The following RGS6 variants were observed in gnomAD, a reference collection of about 807,000 sequenced individuals.
The protein encoded by RGS6 is regulator of G protein signaling 6.
RGS6 carries 30 observed loss-of-function variants against 78.5 expected under a neutral mutation model. The observed-to-expected ratio is 0.38, with a 90% CI of 0.29 to 0.52. The LOEUF is 0.52. Among genes scored for constraint, RGS6 ranks in the 20% least tolerant of loss-of-function variants. RGS6 has a pLI of 0.85. For missense variants in RGS6, 495 were observed against 609.7 expected, an observed-to-expected ratio of 0.81 and a Z score of 1.98; for synonymous variants, 206 against 206.0, an observed-to-expected ratio of 1.00 and a Z score of 0.00.
At chr14:71,914,045 A>C in the RGS6 span, among the ~76,000 whole-genome samples, 1 of 152,184 alleles carries the variant, frequency 6.6e-6, no homozygotes. Context: ...GAAGTTTATT[A>C]CGTGATCACA....
intron 2 of RGS6, among the ~76,000 whole-genome samples, chr14:72,138,475 A>ATTTTT (rs2096485942): frequency 2.4e-5 from 1 of 41,518 alleles, no homozygotes. Flanking sequence ...TTTTTTTTTT[A>ATTTTT]CTTTCTTGGA....
At chr14:72,540,799 G>A (rs1314208336) in intron 17 of RGS6, 1 of 985,320 alleles carries the variant, frequency 1.0e-6, no homozygotes, top group East Asian at 1.1e-4. Context: ...GATTCTAACA[G>A]GCTGGGTAAA....
chr14:72,179,528 T>C (rs1444213973), intron 2 of RGS6, among the ~76,000 whole-genome samples: 1 of 152,148 alleles, frequency 6.6e-6, no homozygotes, highest in Non-Finnish European at 1.5e-5. Context: ...AGGGGAGCCT[T>C]CTGTGTGTCC....
intron 2 of RGS6, among the ~76,000 whole-genome samples, chr14:72,053,451 G>A (rs1469123222): frequency 1.3e-5 from 2 of 152,014 alleles, no homozygotes; most frequent in Non-Finnish European, 2.9e-5. Flanking sequence ...TTGTTCAGGG[G>A]TCTCTTGCAT....
At chr14:72,053,794 A>G (rs1244673635) in intron 2 of RGS6, among the ~76,000 whole-genome samples, 4 of 152,238 alleles carry the variant, frequency 2.6e-5, no homozygotes, top group South Asian at 4.1e-4. Flanking sequence ...ATTGATCTCA[A>G]AAAGACTGGC....
intron 2 of RGS6, among the ~76,000 whole-genome samples, chr14:72,113,290 T>G (rs188909696): frequency 1.6e-4 from 24 of 152,316 alleles, no homozygotes; most frequent in Non-Finnish European, 4.4e-5. Context: ...ATCAGTCCCT[T>G]TTTCCTCATG....
At chr14:72,489,443 T>C (rs1156276610) in intron 12 of RGS6, among the ~76,000 whole-genome samples, 5 of 152,202 alleles carry the variant, frequency 3.3e-5, no homozygotes, top group African/African-American at 1.2e-4. Flanking sequence ...CCCCAAAAGA[T>C]AGGTCCTAGG....
the RGS6 span, among the ~76,000 whole-genome samples, chr14:71,913,037 C>T: frequency 6.6e-6 from 1 of 151,984 alleles, no homozygotes; most frequent in Non-Finnish European, 1.5e-5. Flanking sequence ...CTGTGTTAGC[C>T]AGGATGGTTT....
the RGS6 span, among the ~76,000 whole-genome samples, chr14:72,582,282 C>T: frequency 1.3e-5 from 2 of 152,188 alleles, no homozygotes; most frequent in East Asian, 3.8e-4. Flanking sequence ...TGAGCTATTA[C>T]AGTGTATTAA....
intron 2 of RGS6, among the ~76,000 whole-genome samples, chr14:72,049,805 G>A (rs1183960094): frequency 6.6e-6 from 1 of 152,168 alleles, no homozygotes; most frequent in African/African-American, 2.4e-5. Flanking sequence ...AGACTGGAAA[G>A]CACTTGTAAT....
At chr14:71,894,891 C>A in the RGS6 span, among the ~76,000 whole-genome samples, 4 of 151,430 alleles carry the variant, frequency 2.6e-5, no homozygotes, top group African/African-American at 9.7e-5. Flanking sequence ...ATGGTGTGAT[C>A]TCAGCTGGGA....
intron 2 of RGS6, among the ~76,000 whole-genome samples, chr14:72,182,147 C>T (rs1481151177): frequency 2.0e-5 from 3 of 152,064 alleles, no homozygotes; most frequent in East Asian, 3.9e-4. Flanking sequence ...CAGTGGCTCA[C>T]GCCTGTAATC....
At chr14:72,557,390 TTTTGC>T (rs1475243702) in intron 17 of RGS6, among the ~76,000 whole-genome samples, 3 of 152,182 alleles carry the variant, frequency 2.0e-5, no homozygotes, top group Admixed American at 6.5e-5. Context: ...AAATCATTTC[TTTTGC>T]TTTGCTCAGT....
chr14:72,126,797 G>A (rs183201677), intron 2 of RGS6, among the ~76,000 whole-genome samples: 7 of 152,286 alleles, frequency 4.6e-5, no homozygotes, highest in Admixed American at 2.6e-4. Flanking sequence ...GAGTCAATAA[G>A]GAAAACGCAG....
chr14:72,599,237 G>T, the RGS6 span, among the ~76,000 whole-genome samples: 1 of 152,108 alleles, frequency 6.6e-6, no homozygotes, highest in African/African-American at 2.4e-5. Context: ...AACAGCACTG[G>T]GTGGGTGTCA....
intron 12 of RGS6, among the ~76,000 whole-genome samples, chr14:72,485,045 G>T (rs775554468): frequency 1.3e-5 from 2 of 151,584 alleles, no homozygotes; most frequent in African/African-American, 2.4e-5. Flanking sequence ...CCACGACAAT[G>T]GTGGGTAGCA....
intron 2 of RGS6, among the ~76,000 whole-genome samples, chr14:72,170,880 G>A (rs1001886245): frequency 2.6e-5 from 4 of 152,146 alleles, no homozygotes; most frequent in Non-Finnish European, 5.9e-5. Flanking sequence ...TTAACAAGAT[G>A]GATGAGTTAT....
intron 3 of RGS6, among the ~76,000 whole-genome samples, chr14:72,384,631 C>T (rs1432242822): frequency 6.6e-6 from 1 of 152,190 alleles, no homozygotes; most frequent in Non-Finnish European, 1.5e-5. Context: ...CTGTGATCCT[C>T]TTTTCCGATC....
intron 3 of RGS6, among the ~76,000 whole-genome samples, chr14:72,412,842 G>C (rs369716342): frequency 1.3e-5 from 2 of 152,172 alleles, no homozygotes; most frequent in African/African-American, 4.8e-5. Context: ...AGTCATTCAG[G>C]AGCAGGTTGT....
Sources: allele counts gnomAD v4.1 joint callset (sites outside exome capture counted in the v4.1 genomes callset), GRCh38; gene constraint gnomAD v4.1.1; transcripts MANE v1.5; gene names NCBI Gene and HGNC (gene_info 2026-07-23, HGNC 2026-07-21).